The following PCDH7 variants were observed in gnomAD, a reference collection of about 807,000 sequenced individuals.
PCDH7 encodes protocadherin-7.
Under a neutral mutation model 58.9 loss-of-function variants are expected in PCDH7, and 17 were observed. The ratio of observed to expected loss-of-function variants is 0.29; its 90% CI spans 0.20 to 0.43. The LOEUF (loss-of-function observed/expected upper bound fraction) is 0.43, where lower values mean the gene tolerates loss of function less well. Ranked by LOEUF, PCDH7 falls within the 20% of genes least tolerant of loss-of-function variation. The pLI, the probability that PCDH7 is intolerant of heterozygous loss-of-function variation, is 1.00. For synonymous variants in PCDH7, 664 were observed against 616.4 expected, an observed-to-expected ratio of 1.08 and a Z score of -1.14; for missense variants, 1,274 against 1,441.0, an observed-to-expected ratio of 0.88 and a Z score of 1.88.
At chr4:30,804,257 C>T (rs962609117) in intron 1 of PCDH7, among the ~76,000 whole-genome samples, 6 of 152,034 alleles carry the variant, frequency 3.9e-5, no homozygotes, top group Admixed American at 2.0e-4. Flanking sequence ...AGATTTCATG[C>T]AGGCCAGGCA....
chr4:30,736,635 G>T (rs892869001), downstream of PCDH7, among the ~76,000 whole-genome samples: 3 of 149,622 alleles, frequency 2.0e-5, no homozygotes, highest in African/African-American at 7.4e-5. Context: ...TCCCGGATTC[G>T]CGCCATTCTC....
intron 3 of PCDH7, among the ~76,000 whole-genome samples, chr4:31,025,242 G>A (rs182850732): frequency 6.6e-6 from 1 of 152,288 alleles, no homozygotes; most frequent in African/African-American, 2.4e-5. Flanking sequence ...CAGAGAAATT[G>A]TCTCACGTAT....
At chr4:30,788,300 C>G (rs1723673866) in intron 1 of PCDH7, among the ~76,000 whole-genome samples, 5 of 152,042 alleles carry the variant, frequency 3.3e-5, no homozygotes, top group Admixed American at 3.3e-4. Flanking sequence ...TTTGTGTAGT[C>G]ACCATGTGCC....
chr4:30,911,257 A>G (rs185817945), intron 1 of PCDH7, among the ~76,000 whole-genome samples: 221 of 151,648 alleles, frequency 1.5e-3, no homozygotes, highest in African/African-American at 5.2e-3. Flanking sequence ...CTGTATACCT[A>G]TGTAACAAAC....
intron 3 of PCDH7, among the ~76,000 whole-genome samples, chr4:30,955,736 A>G (rs963981940): frequency 1.3e-5 from 2 of 151,474 alleles, no homozygotes; most frequent in Non-Finnish European, 2.9e-5. Context: ...TTTAGTGGAG[A>G]CAGGGTTTCA....
At chr4:31,117,294 G>A (rs1051232563) in intron 3 of PCDH7, among the ~76,000 whole-genome samples, 2 of 152,086 alleles carry the variant, frequency 1.3e-5, no homozygotes, top group Non-Finnish European at 1.5e-5. Flanking sequence ...TAATTACCTG[G>A]GCTAAACTCT....
chr4:30,785,836 A>C (rs1185442362), intron 1 of PCDH7, among the ~76,000 whole-genome samples: 1 of 152,030 alleles, frequency 6.6e-6, no homozygotes, highest in Non-Finnish European at 1.5e-5. Flanking sequence ...AGTGAAATGT[A>C]CCATGTTTAC....
intron 1 of PCDH7, among the ~76,000 whole-genome samples, chr4:30,865,190 A>T (rs1236595229): frequency 1.3e-5 from 2 of 152,112 alleles, no homozygotes; most frequent in African/African-American, 4.8e-5. Flanking sequence ...CCATATAAAA[A>T]AAGGCTGAAG....
intron 1 of PCDH7, among the ~76,000 whole-genome samples, chr4:30,775,363 G>T (rs946178599): frequency 6.6e-6 from 1 of 152,118 alleles, no homozygotes; most frequent in Non-Finnish European, 1.5e-5. Context: ...GATAAATATT[G>T]TATATCTAAA....
chr4:30,844,678 T>A (rs1235222016), intron 1 of PCDH7, among the ~76,000 whole-genome samples: 2 of 152,360 alleles, frequency 1.3e-5, no homozygotes, highest in East Asian at 3.9e-4. Flanking sequence ...TATGTTTTGC[T>A]GTAGATATAG....
At chr4:31,060,932 T>G (rs1757642808) in intron 3 of PCDH7, among the ~76,000 whole-genome samples, 1 of 151,766 alleles carries the variant, frequency 6.6e-6, no homozygotes, top group African/African-American at 2.4e-5. Flanking sequence ...AAAGTTTTCA[T>G]TATTCTCAGT....
chr4:30,799,621 G>C (rs1247351520), intron 1 of PCDH7, among the ~76,000 whole-genome samples: 2 of 151,942 alleles, frequency 1.3e-5, no homozygotes, highest in Non-Finnish European at 2.9e-5. Context: ...GTTTTCATAA[G>C]TTTCAGTGGG....
chr4:30,907,392 C>T (rs995921274), intron 1 of PCDH7, among the ~76,000 whole-genome samples: 5 of 152,114 alleles, frequency 3.3e-5, no homozygotes, highest in African/African-American at 1.2e-4. Context: ...CTACAAGGAA[C>T]TTAAACAAAT....
At chr4:31,035,674 T>G (rs1489896704) in intron 3 of PCDH7, among the ~76,000 whole-genome samples, 1 of 152,180 alleles carries the variant, frequency 6.6e-6, no homozygotes, top group Non-Finnish European at 1.5e-5. Flanking sequence ...TAGAATATAA[T>G]TCCCCAAATG....
intron 3 of PCDH7, among the ~76,000 whole-genome samples, chr4:31,077,270 C>T (rs906524255): frequency 1.3e-5 from 2 of 151,344 alleles, no homozygotes; most frequent in Admixed American, 6.6e-5. Context: ...ATTAGCCGGG[C>T]GTGTGGTGCA....
chr4:31,130,799 T>C (rs1336686732), intron 3 of PCDH7, among the ~76,000 whole-genome samples: 1 of 152,182 alleles, frequency 6.6e-6, no homozygotes, highest in Admixed American at 6.5e-5. Context: ...TATTCTTACA[T>C]GGGCTTTTCT....
At chr4:31,093,120 A>T (rs1713481111) in intron 3 of PCDH7, among the ~76,000 whole-genome samples, 1 of 152,080 alleles carries the variant, frequency 6.6e-6, no homozygotes, top group Non-Finnish European at 1.5e-5. Flanking sequence ...CACATGGATG[A>T]TGTATCCTTA....
chr4:31,089,458 G>A (rs952427907), intron 3 of PCDH7, among the ~76,000 whole-genome samples: 1 of 151,772 alleles, frequency 6.6e-6, no homozygotes. Flanking sequence ...TTACTTTTGT[G>A]TGAAGCTGGG....
intron 3 of PCDH7, among the ~76,000 whole-genome samples, chr4:31,028,619 C>G (rs941854673): frequency 6.6e-6 from 1 of 150,408 alleles, no homozygotes; most frequent in Non-Finnish European, 1.5e-5. Context: ...TATCGCACTA[C>G]TTCACTCCAG....
Sources: allele counts gnomAD v4.1 joint callset (sites outside exome capture counted in the v4.1 genomes callset), GRCh38; gene constraint gnomAD v4.1.1; transcripts MANE v1.5; gene names NCBI Gene and HGNC (gene_info 2026-07-23, HGNC 2026-07-21).